The following PPP2R2A variants were observed in gnomAD, a reference collection of about 807,000 sequenced individuals.
PPP2R2A encodes the protein serine/threonine-protein phosphatase 2A 55 kDa regulatory subunit B alpha isoform.
Under a neutral mutation model 53.2 loss-of-function variants are expected in PPP2R2A, and 9 were observed. The observed-to-expected ratio is 0.17, with a 90% CI of 0.10 to 0.30. The LOEUF (loss-of-function observed/expected upper bound fraction) is 0.30, where lower values mean the gene tolerates loss of function less well. PPP2R2A is among the 10% of genes least tolerant of loss of function. PPP2R2A has a pLI of 1.00. For missense variants in PPP2R2A, 235 were observed against 534.6 expected, an observed-to-expected ratio of 0.44 and a Z score of 5.53; for synonymous variants, 169 against 174.2, an observed-to-expected ratio of 0.97 and a Z score of 0.23.
At chr8:26,347,866 G>A (rs1315294892) in intron 3 of PPP2R2A, among the ~76,000 whole-genome samples, 2 of 152,006 alleles carry the variant, frequency 1.3e-5, no homozygotes, top group Middle Eastern at 3.2e-3. Context: ...CATGACTATC[G>A]TTATCATTAG....
intron 3 of PPP2R2A, among the ~76,000 whole-genome samples, chr8:26,349,224 G>A (rs1280310474): frequency 6.7e-6 from 1 of 149,932 alleles, no homozygotes; most frequent in Non-Finnish European, 1.5e-5. Context: ...CTTAGTTTTG[G>A]TGGGTGGGTA....
Position 26,363,779 on chromosome 8 carries a change from T to A in PPP2R2A, c.861T>A (p.Ser287=), listed in dbSNP as rs754291191. The part of the protein sequence containing the change: ...NRSFFSEIIS[S]ISDVKFSHSG... ...CATTTTTTTCCGAAATCATCTCCTC[T>A]ATTTCGGATGTAAAATTCAGCCATA... The change falls in exon 8 of 10, where the codon TCT becomes TCA. Residue 287 remains serine (S), a synonymous_variant. Transcript: ENST00000380737. The A allele has an allele frequency of 6.2e-7, 1 of 1,608,052 alleles. No homozygotes were observed. The highest frequency in any genetic ancestry group is 1.7e-5 in the Admixed American group (1 of 59,904).
At chr8:26,365,094 C>G (rs1805299726) in intron 8 of PPP2R2A, 1 of 152,190 alleles carries the variant, frequency 6.6e-6, no homozygotes, top group African/African-American at 2.4e-5. Context: ...GTGAGAAACT[C>G]TATAATGTGC....
chr8:26,304,969 C>T (rs1801948949), intron 2 of PPP2R2A, among the ~76,000 whole-genome samples: 1 of 152,116 alleles, frequency 6.6e-6, no homozygotes, highest in Non-Finnish European at 1.5e-5. Flanking sequence ...TAACCATTTT[C>T]AAATACACTG....
At chr8:26,337,363 A>G (rs1803716813) in intron 2 of PPP2R2A, among the ~76,000 whole-genome samples, 1 of 152,160 alleles carries the variant, frequency 6.6e-6, no homozygotes, top group Non-Finnish European at 1.5e-5. Flanking sequence ...TTTAAAGATA[A>G]TCTTGACTCT....
chr8:26,369,975 C>G (rs1805589430), intron 9 of PPP2R2A, among the ~76,000 whole-genome samples, 159 bp from the exon 10 acceptor site: 1 of 152,216 alleles, frequency 6.6e-6, no homozygotes, highest in Non-Finnish European at 1.5e-5. Flanking sequence ...TACCGTATTT[C>G]TGGTTTATTC....
intron 1 of PPP2R2A, chr8:26,293,131 C>A: frequency 9.1e-7 from 1 of 1,097,904 alleles, no homozygotes; most frequent in Non-Finnish European, 1.3e-6. Context: ...CTTTTCCTCT[C>A]TGTCTGGAGC....
intron 2 of PPP2R2A, among the ~76,000 whole-genome samples, chr8:26,324,581 A>G (rs571957399): frequency 6.6e-6 from 1 of 152,334 alleles, no homozygotes; most frequent in South Asian, 2.1e-4. Flanking sequence ...CTGCTAGGAC[A>G]GTGCGGAAGG....
At position 26,323,422 on chromosome 8, in the gene PPP2R2A, C is replaced by T. The variant is rs533813680; in HGVS notation, c.83-15468C>T. 4.1e-4 allele frequency among the ~76,000 whole-genome samples: 62 copies of T among 152,298 alleles called. 3 individuals carry two copies. The South Asian group carries it at 0.011, about 28-fold the overall frequency. ...TACCTGGAAATAGCATCATATTCCC[C>T]AGGTTGAGGGGGCTCGGTCCCACAA... On this transcript the variant is annotated intron_variant, in intron 2 of 9. Coordinates refer to ENST00000380737, the MANE Select transcript of PPP2R2A (RefSeq NM_002717.4).
chr8:26,341,906 A>G (rs1803962314), intron 3 of PPP2R2A, among the ~76,000 whole-genome samples: 2 of 152,056 alleles, frequency 1.3e-5, no homozygotes, highest in Non-Finnish European at 2.9e-5. Context: ...TGCCTCATTT[A>G]TTTTACCCTT....
intron 4 of PPP2R2A, among the ~76,000 whole-genome samples, chr8:26,357,177 A>T (rs1374037707): frequency 6.6e-6 from 1 of 152,140 alleles, no homozygotes; most frequent in Non-Finnish European, 1.5e-5. Flanking sequence ...CTATTTGGAA[A>T]GAAGGAGACT....
In PPP2R2A at chr8:26,293,766, T is replaced by G. The variant is rs111586207; in HGVS notation, c.82+26T>G. Reference sequence around the variant, plus strand: ...GTAAGAAAGCGTTTAATGCAAAATTTGGATATATAATTTTTGCAGAAATGT... The same window carrying G: ...GTAAGAAAGCGTTTAATGCAAAATTGGGATATATAATTTTTGCAGAAATGT... On this transcript the variant is annotated intron_variant, in intron 2 of 9. Coordinates refer to ENST00000380737, the MANE Select transcript of PPP2R2A (RefSeq NM_002717.4). 1,463 of 1,606,422 alleles carry G rather than the reference T, an allele frequency of 9.1e-4. 15 individuals are homozygous for G. The African/African-American group carries it at 0.017, about 19-fold the overall frequency.
At chr8:26,291,890 C>G in intron 1 of PPP2R2A, 64 bp downstream of exon 1, 1 of 1,592,894 alleles carries the variant, frequency 6.3e-7, no homozygotes, top group Non-Finnish European at 8.6e-7. Context: ...CCTCCATCAC[C>G]CCCTAGCGAC....
intron 2 of PPP2R2A, among the ~76,000 whole-genome samples, chr8:26,316,339 T>C (rs894686138): frequency 2.0e-5 from 3 of 152,192 alleles, no homozygotes; most frequent in Admixed American, 2.0e-4. Flanking sequence ...TTTTCTTTCT[T>C]CAATTAATAG....
intron 9 of PPP2R2A, among the ~76,000 whole-genome samples, chr8:26,369,039 C>T (rs968674882): frequency 2.7e-5 from 4 of 150,108 alleles, no homozygotes; most frequent in African/African-American, 7.4e-5. Flanking sequence ...ACCCAGGAGG[C>T]AGAGCTTGCA....
intron 2 of PPP2R2A, among the ~76,000 whole-genome samples, chr8:26,304,236 C>T (rs920088156): frequency 6.6e-6 from 1 of 151,076 alleles, no homozygotes; most frequent in Non-Finnish European, 1.5e-5. Flanking sequence ...AGGGATTAAT[C>T]ATCTGTAAAA....
At chr8:26,306,987 T>C (rs1373228481) in intron 2 of PPP2R2A, among the ~76,000 whole-genome samples, 1 of 152,250 alleles carries the variant, frequency 6.6e-6, no homozygotes, top group Non-Finnish European at 1.5e-5. Context: ...TTGCAATGTT[T>C]TTAACAGCGC....
At chr8:26,336,720 A>T (rs185990804) in intron 2 of PPP2R2A, among the ~76,000 whole-genome samples, 2,129 of 152,076 alleles carry the variant, frequency 0.014, 32 homozygotes, top group South Asian at 0.064. Context: ...CTACAAAAAA[A>T]TTTTTTAAAA....
chr8:26,303,843 T>C (rs1801896552), intron 2 of PPP2R2A, among the ~76,000 whole-genome samples: 1 of 152,242 alleles, frequency 6.6e-6, no homozygotes, highest in South Asian at 2.1e-4. Context: ...AGATCTTTGC[T>C]CTTGGCATAT....
Sources: gnomAD v4.1 joint callset for allele counts (sites outside exome capture counted in the v4.1 genomes callset) on GRCh38, gnomAD v4.1.1 for gene constraint, MANE v1.5 for transcripts, NCBI Gene and HGNC (gene_info 2026-07-23, HGNC 2026-07-21) for gene names.